The following PARN variants were observed in gnomAD, a reference collection of about 807,000 sequenced individuals.
PARN encodes the protein poly(A)-specific ribonuclease PARN.
In PARN, 71 loss-of-function variants were observed where a neutral mutation model predicts 102.8. The ratio of observed to expected loss-of-function variants is 0.69; its 90% CI spans 0.57 to 0.84. The LOEUF is 0.84. Ranked by LOEUF, PARN falls within the 40% of genes least tolerant of loss-of-function variation. The pLI is 0.00. For synonymous variants in PARN, 261 were observed against 252.9 expected, an observed-to-expected ratio of 1.03 and a Z score of -0.30; for missense variants, 782 against 760.9, an observed-to-expected ratio of 1.03 and a Z score of -0.33.
intron 21 of PARN, among the ~76,000 whole-genome samples, chr16:14,483,360 A>G (rs1384534934): frequency 1.3e-5 from 2 of 152,162 alleles, no homozygotes; most frequent in African/African-American, 4.8e-5. Flanking sequence ...CGCTTGCAAG[A>G]GAGGAAATGT....
chr16:14,463,846 G>GC (rs1413592787), intron 22 of PARN, among the ~76,000 whole-genome samples: 17 of 141,474 alleles, frequency 1.2e-4, no homozygotes, highest in Non-Finnish European at 1.6e-5. Context: ...TTTGGGGGGG[G>GC]GGGGACGACA....
intron 5 of PARN, among the ~76,000 whole-genome samples, chr16:14,623,624 G>A (rs1264888333): frequency 6.6e-6 from 1 of 152,064 alleles, no homozygotes; most frequent in African/African-American, 2.4e-5. Flanking sequence ...ATCACCTGAG[G>A]TCAGGAGTTT....
At chr16:14,536,534 G>T (rs1187416217) in intron 21 of PARN, among the ~76,000 whole-genome samples, 1 of 152,208 alleles carries the variant, frequency 6.6e-6, no homozygotes, top group Non-Finnish European at 1.5e-5. Context: ...ATAAGGCACA[G>T]TGGTACCTGC....
chr16:14,612,115 T>C (rs1264223544), intron 6 of PARN, among the ~76,000 whole-genome samples: 2 of 151,974 alleles, frequency 1.3e-5, no homozygotes, highest in Non-Finnish European at 2.9e-5. Context: ...ATCCTGGAGA[T>C]GAAGGATAAA....
chr16:14,587,250 C>T (rs1969914839), intron 13 of PARN, among the ~76,000 whole-genome samples: 2 of 152,088 alleles, frequency 1.3e-5, no homozygotes, highest in South Asian at 2.1e-4. Flanking sequence ...TTCAATGCAA[C>T]GTCAAAAAAT....
At chr16:14,619,247 C>T (rs1464989219) in intron 5 of PARN, among the ~76,000 whole-genome samples, 1 of 151,936 alleles carries the variant, frequency 6.6e-6, no homozygotes, top group Non-Finnish European at 1.5e-5. Flanking sequence ...ATAAGCCTTA[C>T]GAAACAAATA....
At chr16:14,508,525 G>T (rs762184737) in intron 21 of PARN, among the ~76,000 whole-genome samples, 1 of 152,112 alleles carries the variant, frequency 6.6e-6, no homozygotes, top group Non-Finnish European at 1.5e-5. Flanking sequence ...GTGGGGAAAT[G>T]CAGGCTCACA....
At chr16:14,613,782 G>T (rs928951499) in intron 6 of PARN, among the ~76,000 whole-genome samples, 5 of 152,178 alleles carry the variant, frequency 3.3e-5, no homozygotes, top group Non-Finnish European at 7.3e-5. Context: ...AACATCACCA[G>T]TATTGGGACA....
At chr16:14,546,014 C>T (rs1051673989) in intron 21 of PARN, among the ~76,000 whole-genome samples, 1 of 151,954 alleles carries the variant, frequency 6.6e-6, no homozygotes, top group Non-Finnish European at 1.5e-5. Context: ...TACAGAGAAA[C>T]GAACACAGCC....
chr16:14,499,308 A>G (rs1249964641), intron 21 of PARN, among the ~76,000 whole-genome samples: 1 of 152,116 alleles, frequency 6.6e-6, no homozygotes, highest in Non-Finnish European at 1.5e-5. Context: ...GGGATGGGAG[A>G]AGGAGAAAGT....
At chr16:14,470,579 T>G (rs945469986) in intron 22 of PARN, among the ~76,000 whole-genome samples, 1 of 151,478 alleles carries the variant, frequency 6.6e-6, no homozygotes, top group African/African-American at 2.4e-5. Flanking sequence ...CACCTCAGCC[T>G]CCCGCCACAG....
intron 21 of PARN, among the ~76,000 whole-genome samples, chr16:14,544,235 G>A (rs1388981450): frequency 6.6e-6 from 1 of 152,036 alleles, no homozygotes; most frequent in Non-Finnish European, 1.5e-5. Context: ...GTCTACAAGA[G>A]ACTCACTTTG....
chr16:14,447,880 G>A (rs1961269202), intron 22 of PARN, among the ~76,000 whole-genome samples: 1 of 152,162 alleles, frequency 6.6e-6, no homozygotes, highest in Admixed American at 6.5e-5. Flanking sequence ...GGGAGGGTGG[G>A]AAGTGAGAGA....
rs139773032 is a variant in PARN, at chr16:14,483,703, C to T, written c.1481-876G>A. 1.3e-4 allele frequency among the ~76,000 whole-genome samples: 20 copies of T among 151,996 alleles called. No individual in the cohort carries two copies. In the East Asian group the frequency reaches 1.5e-3, roughly 12 times the overall value. ...CCACCCCTCCTTCACTGGACGAAGG[C>T]GCCTCAGATGTGTAGTACAATTATG... On this transcript the variant is annotated intron_variant, in intron 21 of 23. Transcript: ENST00000437198.
chr16:14,516,540 G>C (rs1965467949), intron 21 of PARN, among the ~76,000 whole-genome samples: 1 of 152,172 alleles, frequency 6.6e-6, no homozygotes. Context: ...TTTGAGAGAA[G>C]CATTTCAAGC....
At chr16:14,490,696 G>A (rs1248220416) in intron 21 of PARN, among the ~76,000 whole-genome samples, 1 of 152,104 alleles carries the variant, frequency 6.6e-6, no homozygotes, top group Non-Finnish European at 1.5e-5. Context: ...TCACCACATT[G>A]TCATTCAGGA....
At chr16:14,440,553 A>G (rs1960897940) in intron 23 of PARN, among the ~76,000 whole-genome samples, 1 of 152,232 alleles carries the variant, frequency 6.6e-6, no homozygotes, top group Admixed American at 6.5e-5. Context: ...ACCTGTACAC[A>G]AATATTTATA....
chr16:14,492,013 C>T (rs1009486950), intron 21 of PARN, among the ~76,000 whole-genome samples: 6 of 152,356 alleles, frequency 3.9e-5, no homozygotes, highest in Non-Finnish European at 7.3e-5. Context: ...GGGCAGGAAA[C>T]AGGCCACCGT....
At chr16:14,490,096 T>G (rs1963979274) in intron 21 of PARN, among the ~76,000 whole-genome samples, 1 of 152,160 alleles carries the variant, frequency 6.6e-6, no homozygotes, top group Non-Finnish European at 1.5e-5. Flanking sequence ...ATGTGGAGGT[T>G]GCAGTGAACT....
Sources: gnomAD v4.1 joint callset for allele counts (sites outside exome capture counted in the v4.1 genomes callset) on GRCh38, gnomAD v4.1.1 for gene constraint, MANE v1.5 for transcripts, NCBI Gene and HGNC (gene_info 2026-07-23, HGNC 2026-07-21) for gene names.